The following RBFOX1 variants were observed in gnomAD, a reference collection of about 807,000 sequenced individuals.
The protein encoded by RBFOX1 is RNA binding protein fox-1 homolog 1.
In RBFOX1, 8 loss-of-function variants were observed where a neutral mutation model predicts 57.7. That is an observed-to-expected ratio of 0.14 (90% CI 0.08 to 0.25). The LOEUF is 0.25. Ranked by LOEUF, RBFOX1 falls within the 10% of genes least tolerant of loss-of-function variation. RBFOX1 has a pLI of 1.00. For synonymous variants in RBFOX1, 326 were observed against 222.4 expected (o/e 1.47, Z -4.15); for missense variants, 611 against 548.5 (o/e 1.11, Z -1.14).
chr16:5,824,634 C>A (rs1401455717), intron 3 of RBFOX1, among the ~76,000 whole-genome samples: 1 of 152,210 alleles, frequency 6.6e-6, no homozygotes, highest in African/African-American at 2.4e-5. Context: ...AAAATCCCTG[C>A]AAATTGATTC....
chr16:7,031,030 G>C (rs1257046061), intron 3 of RBFOX1, among the ~76,000 whole-genome samples: 1 of 152,290 alleles, frequency 6.6e-6, no homozygotes, highest in East Asian at 1.9e-4. Flanking sequence ...AGTTGGTTTG[G>C]GATGGGAGAT....
chr16:5,324,447 A>C lies in RBFOX1; in HGVS notation c.219+84342A>C, dbSNP rs139459994. Among the ~76,000 whole-genome samples the C allele has an allele frequency of 3.1e-3, 470 of 152,294 alleles. 5 individuals are homozygous for C. In the East Asian group the frequency reaches 0.036, roughly 12 times the overall value. On this transcript the variant is annotated intron_variant, in intron 1 of 2. Coordinates refer to the RBFOX1 transcript ENST00000585867. ...CACTGCACTCCAGCCTGGGTGACAG[A>C]GTGAAACTCTGTCTCAAAATAAAAT...
At chr16:7,296,576 T>C (rs914531802) in intron 4 of RBFOX1, among the ~76,000 whole-genome samples, 5 of 152,200 alleles carry the variant, frequency 3.3e-5, no homozygotes, top group African/African-American at 1.2e-4. Flanking sequence ...ATGTTCACGA[T>C]AGCTTGCAAG....
chr16:5,833,356 A>T (rs946274891), intron 3 of RBFOX1, among the ~76,000 whole-genome samples: 1 of 151,968 alleles, frequency 6.6e-6, no homozygotes, highest in Non-Finnish European at 1.5e-5. Flanking sequence ...TTAGCCGGGC[A>T]TGGTGGCAGG....
chr16:7,665,329 T>C (rs2068922625), intron 13 of RBFOX1, among the ~76,000 whole-genome samples: 1 of 152,198 alleles, frequency 6.6e-6, no homozygotes, highest in African/African-American at 2.4e-5. Flanking sequence ...ATAACAGCTG[T>C]AGTCACCAGC....
At chr16:7,394,235 C>CAAAAAAAAAAAAAAAAAAA (rs59934126) in intron 4 of RBFOX1, among the ~76,000 whole-genome samples, 15 of 55,038 alleles carry the variant, frequency 2.7e-4, no homozygotes, top group African/African-American at 3.4e-4. Flanking sequence ...GACTCCGCAT[C>CAAAAAAAAAAAAAAAAAAA]AAAAAAAAAA....
At position 5,353,124 on chromosome 16, in the gene RBFOX1, A is replaced by G. The variant is rs544554721; in HGVS notation, c.219+113019A>G. Among the ~76,000 whole-genome samples, 4 of 152,292 alleles carry G rather than the reference A, an allele frequency of 2.6e-5. No individual in the cohort carries two copies. In the East Asian group the frequency reaches 7.7e-4, roughly 29 times the overall value. Reference sequence around the variant, plus strand: ...TGTGGTGGTGCACGCCTGTAATCCCAGCACTTTGGGAAGCCGAGGTGGGTG... The same window carrying G: ...TGTGGTGGTGCACGCCTGTAATCCCGGCACTTTGGGAAGCCGAGGTGGGTG... On this transcript the variant is annotated intron_variant, in intron 1 of 2. Transcript: ENST00000585867.
At chr16:6,756,442 C>T (rs534080466) in intron 3 of RBFOX1, among the ~76,000 whole-genome samples, 1 of 152,124 alleles carries the variant, frequency 6.6e-6, no homozygotes, top group Non-Finnish European at 1.5e-5. Flanking sequence ...AAGGCATAGG[C>T]AACAGAAACA....
intron 1 of RBFOX1, among the ~76,000 whole-genome samples, chr16:5,434,287 G>A (rs970495260): frequency 2.0e-5 from 3 of 149,278 alleles, no homozygotes; most frequent in Non-Finnish European, 3.0e-5. Flanking sequence ...CCAGACACAC[G>A]CATCAGAGGG....
At chr16:5,442,305 C>T (rs776124060) in intron 1 of RBFOX1, among the ~76,000 whole-genome samples, 8 of 152,160 alleles carry the variant, frequency 5.3e-5, no homozygotes, top group African/African-American at 9.7e-5. Flanking sequence ...CCCATTCATG[C>T]GGAGCTGCAG....
At chr16:6,047,510 G>T (rs2095507464) in intron 1 of RBFOX1, among the ~76,000 whole-genome samples, 1 of 152,228 alleles carries the variant, frequency 6.6e-6, no homozygotes, top group Admixed American at 6.5e-5. Flanking sequence ...TTTGGGTGAT[G>T]AGCATGCAAT....
At chr16:7,222,731 A>G (rs12598352) in intron 4 of RBFOX1, among the ~76,000 whole-genome samples, 58,748 of 152,092 alleles carry the variant, frequency 0.39, 11,877 homozygotes, top group East Asian at 0.66. Flanking sequence ...TGCCTGACAC[A>G]CATATGTATT....
chr16:6,824,809 A>C (rs574139659), intron 3 of RBFOX1, among the ~76,000 whole-genome samples: 2 of 152,120 alleles, frequency 1.3e-5, no homozygotes, highest in Non-Finnish European at 2.9e-5. Context: ...TAAATTTGTA[A>C]TAACATGTCA....
chr16:7,557,578 C>T (rs1389262178), intron 5 of RBFOX1, among the ~76,000 whole-genome samples: 1 of 131,970 alleles, frequency 7.6e-6, no homozygotes, highest in African/African-American at 2.9e-5. Context: ...CAAGACTGTA[C>T]CACTGCACTC....
At chr16:6,919,135 G>A (rs1212858594) in intron 3 of RBFOX1, among the ~76,000 whole-genome samples, 4 of 151,878 alleles carry the variant, frequency 2.6e-5, no homozygotes, top group African/African-American at 9.7e-5. Context: ...ACCTGCCATC[G>A]TGCCTGGCTA....
chr16:7,525,644 C>T (rs1018245561), intron 5 of RBFOX1, among the ~76,000 whole-genome samples: 4 of 152,166 alleles, frequency 2.6e-5, no homozygotes, highest in Admixed American at 2.6e-4. Flanking sequence ...GGCTTTCCCC[C>T]TCTCTGACAA....
intron 3 of RBFOX1, among the ~76,000 whole-genome samples, chr16:5,710,863 C>A (rs774540985): frequency 2.0e-5 from 3 of 152,106 alleles, no homozygotes; most frequent in Admixed American, 6.5e-5. Context: ...CCTGGGGGAG[C>A]CAGAAAGGGA....
chr16:6,928,005 C>T (rs565977330), intron 3 of RBFOX1, among the ~76,000 whole-genome samples: 4 of 152,288 alleles, frequency 2.6e-5, no homozygotes, highest in Middle Eastern at 3.4e-3. Flanking sequence ...CTGCTGCTGG[C>T]TTCCACCCCC....
intron 1 of RBFOX1, among the ~76,000 whole-genome samples, chr16:5,295,735 C>T (rs930030982): frequency 6.6e-6 from 1 of 152,178 alleles, no homozygotes; most frequent in Non-Finnish European, 1.5e-5. Context: ...CACTACATCC[C>T]ATCACCTCTG....
Sources: gnomAD v4.1 joint callset for allele counts (sites outside exome capture counted in the v4.1 genomes callset) on GRCh38, gnomAD v4.1.1 for gene constraint, MANE v1.5 for transcripts, NCBI Gene and HGNC (gene_info 2026-07-23, HGNC 2026-07-21) for gene names.